The following LRRTM3 variants were observed in gnomAD, a reference collection of about 807,000 sequenced individuals.
LRRTM3 encodes the protein leucine rich repeat transmembrane neuronal 3.
In LRRTM3, 24 loss-of-function variants were observed where a neutral mutation model predicts 44.7. The observed-to-expected ratio is 0.54, with a 90% CI of 0.39 to 0.76. The LOEUF is 0.76. Ranked by LOEUF, LRRTM3 falls within the 30% of genes least tolerant of loss-of-function variation. The pLI, the probability that LRRTM3 is intolerant of heterozygous loss-of-function variation, is 0.00. For missense variants in LRRTM3, 587 were observed against 702.2 expected (o/e 0.84, Z 1.85); for synonymous variants, 277 against 278.7 (o/e 0.99, Z 0.06).
intron 2 of LRRTM3, among the ~76,000 whole-genome samples, chr10:67,014,380 C>T (rs1440857875): frequency 6.6e-6 from 1 of 152,122 alleles, no homozygotes; most frequent in Non-Finnish European, 1.5e-5. Context: ...TGTATACTTC[C>T]TAATTGTATA....
chr10:67,074,412 A>C (rs528771628), intron 2 of LRRTM3, among the ~76,000 whole-genome samples: 1 of 126,316 alleles, frequency 7.9e-6, no homozygotes, highest in African/African-American at 3.1e-5. Context: ...GTGCAGTGGC[A>C]CGATCTCGGC....
intron 2 of LRRTM3, among the ~76,000 whole-genome samples, chr10:67,091,542 C>A (rs1589725892): frequency 1.3e-5 from 2 of 151,952 alleles, no homozygotes; most frequent in South Asian, 4.1e-4. Context: ...CTACATATTG[C>A]TTACATTTAA....
chr10:67,054,753 G>A (rs1265142308), intron 2 of LRRTM3: 1 of 151,964 alleles, frequency 6.6e-6, no homozygotes, highest in Non-Finnish European at 1.5e-5. Context: ...AATTTTCTAG[G>A]CGTCTTTGGG....
chr10:66,956,680 T>C (rs1020370664), intron 2 of LRRTM3, among the ~76,000 whole-genome samples: 2 of 152,226 alleles, frequency 1.3e-5, no homozygotes, highest in African/African-American at 4.8e-5. Flanking sequence ...TCTGTTTTCC[T>C]GCAGAGTAAA....
chr10:67,007,287 T>C (rs1852052834), intron 2 of LRRTM3, among the ~76,000 whole-genome samples: 1 of 152,182 alleles, frequency 6.6e-6, no homozygotes, highest in Non-Finnish European at 1.5e-5. Context: ...ATTAACAAAT[T>C]GGCTCTTTTT....
At chr10:66,994,227 A>G (rs1589564984) in intron 2 of LRRTM3, among the ~76,000 whole-genome samples, 1 of 152,192 alleles carries the variant, frequency 6.6e-6, no homozygotes, top group Non-Finnish European at 1.5e-5. Flanking sequence ...GGTTAAAAGG[A>G]AAAGATGAAA....
intron 2 of LRRTM3, among the ~76,000 whole-genome samples, chr10:66,933,007 A>G (rs1182556279): frequency 1.3e-5 from 2 of 152,212 alleles, no homozygotes; most frequent in Non-Finnish European, 2.9e-5. Context: ...CATATGTAAC[A>G]CAGATGTGTA....
intron 2 of LRRTM3, among the ~76,000 whole-genome samples, chr10:66,979,571 C>A (rs765768356): frequency 2.0e-5 from 3 of 152,008 alleles, no homozygotes; most frequent in African/African-American, 4.8e-5. Flanking sequence ...TCTGGCCATG[C>A]GACCTGGAAG....
At chr10:67,052,195 C>A (rs1392879846) in intron 2 of LRRTM3, among the ~76,000 whole-genome samples, 1 of 152,094 alleles carries the variant, frequency 6.6e-6, no homozygotes, top group Admixed American at 6.5e-5. Context: ...GTGGTACCAG[C>A]CAAAAAGTCA....
intron 2 of LRRTM3, among the ~76,000 whole-genome samples, chr10:66,996,610 T>C (rs1010629735): frequency 8.1e-6 from 1 of 123,110 alleles, no homozygotes; most frequent in Non-Finnish European, 1.6e-5. Flanking sequence ...ATCGCACCAC[T>C]GCATTCAGCC....
chr10:66,927,572 A>G lies in LRRTM3; in HGVS notation c.656A>G (p.Lys219Arg). Residue 219 changes from lysine (K) to arginine (R), a missense_variant, in exon 2 of 3, where the codon AAG (lysine) becomes AGG (arginine). Coordinates refer to ENST00000361320, the MANE Select transcript of LRRTM3 (RefSeq NM_178011.5). This position sits in a 1 kb window ranked among gnomAD's most constrained non-coding sequence, Gnocchi z 4.7. ...CACCTGGAGCACAATCAATTTTCCA[A>G]GCTCAACCTGGCCCTTTTTCCAAGG... ...ELHLEHNQFS[K>R]LNLALFPRLV... 6.2e-7 allele frequency: 1 copy of G among 1,614,172 alleles called. No homozygotes were observed. The highest frequency in any genetic ancestry group is 8.5e-7 in the Non-Finnish European group (1 of 1,180,038).
At chr10:67,054,389 C>A (rs1441237037) in intron 2 of LRRTM3, among the ~76,000 whole-genome samples, 1 of 151,954 alleles carries the variant, frequency 6.6e-6, no homozygotes, top group Non-Finnish European at 1.5e-5. Flanking sequence ...AGCTAAGTGA[C>A]CAATGAGGAC....
chr10:67,095,846 T>C lies in LRRTM3; in HGVS notation c.1537-1741T>C, dbSNP rs192597503. On this transcript the variant is annotated intron_variant, in intron 2 of 2. Coordinates refer to ENST00000361320, the MANE Select transcript of LRRTM3 (RefSeq NM_178011.5). ...TGTTCTCTTCTATAACTCAAATCTA[T>C]TCATGCTGCACATTTACTTTTACAT... Among the ~76,000 whole-genome samples, 269 of 152,032 alleles carry C rather than the reference T, an allele frequency of 1.8e-3. 3 individuals are homozygous for C. The highest frequency in any genetic ancestry group is 6.3e-3 in the African/African-American group (263 of 41,540).
At chr10:67,081,032 C>T (rs951058225) in intron 2 of LRRTM3, among the ~76,000 whole-genome samples, 1 of 151,656 alleles carries the variant, frequency 6.6e-6, no homozygotes, top group African/African-American at 2.4e-5. Flanking sequence ...TTATATTTAC[C>T]CTAGTTGGAT....
At chr10:66,934,664 G>A (rs1371387223) in intron 2 of LRRTM3, among the ~76,000 whole-genome samples, 1 of 152,074 alleles carries the variant, frequency 6.6e-6, no homozygotes, top group African/African-American at 2.4e-5. Context: ...ACAAAGTATA[G>A]GACTTTATGT....
At chr10:67,075,109 A>T (rs978767628) in intron 2 of LRRTM3, among the ~76,000 whole-genome samples, 4 of 151,910 alleles carry the variant, frequency 2.6e-5, no homozygotes, top group Non-Finnish European at 4.4e-5. Flanking sequence ...ATTTGTAGTT[A>T]CTAAGGCTCA....
intron 2 of LRRTM3, among the ~76,000 whole-genome samples, chr10:66,981,810 G>T (rs1188665241): frequency 6.6e-6 from 1 of 152,210 alleles, no homozygotes; most frequent in Non-Finnish European, 1.5e-5. Flanking sequence ...AACGACTTAA[G>T]AAGTGAGGAC....
intron 2 of LRRTM3, among the ~76,000 whole-genome samples, chr10:67,006,224 A>G (rs532014637): frequency 4.4e-4 from 67 of 152,232 alleles, no homozygotes; most frequent in African/African-American, 1.5e-3. Flanking sequence ...TCAGGATTTA[A>G]GTTTACTTCT....
chr10:67,086,037 G>A (rs1462592678), intron 2 of LRRTM3, among the ~76,000 whole-genome samples: 1 of 151,806 alleles, frequency 6.6e-6, no homozygotes, highest in Admixed American at 6.6e-5. Context: ...TAAAATCAGG[G>A]AATTGGTTTC....
Sources: allele counts gnomAD v4.1 joint callset (sites outside exome capture counted in the v4.1 genomes callset), GRCh38; gene constraint gnomAD v4.1.1; non-coding constraint Gnocchi (gnomAD v3.1); transcripts MANE v1.5; gene names NCBI Gene and HGNC (gene_info 2026-07-23, HGNC 2026-07-21).